The following GAB3 variants were observed in gnomAD, a reference collection of about 807,000 sequenced individuals.
The protein encoded by GAB3 is GRB2 associated binding protein 3, also known as GRB2-associated-binding protein 3.
GAB3 carries 12 observed loss-of-function variants against 40.4 expected under a neutral mutation model. That is an observed-to-expected ratio of 0.30 (90% confidence interval 0.19 to 0.48). The LOEUF is 0.48. Among genes scored for constraint, GAB3 ranks in the 20% least tolerant of loss-of-function variants. The pLI is 0.99. For missense variants in GAB3, 381 were observed against 461.9 expected (o/e 0.82, Z 1.61); for synonymous variants, 154 against 176.7 (o/e 0.87, Z 1.02).
chrX:154,716,292 C>T lies in GAB3; in HGVS notation c.110G>A (p.Arg37His), dbSNP rs782292835. The T allele has an allele frequency of 1.9e-5, 23 of 1,211,808 alleles. No individual in the cohort carries two copies. The Middle Eastern group carries it at 7.0e-4, about 37-fold the overall frequency. The stretch of plus-strand genomic sequence containing the variant: ...CAAGACATCGGGGTTGCCGCTCATG[C>T]GGCCTCGCCGGAGGACAAACCAGCG... The part of the protein sequence containing the change: ...RKRWFVLRRG[R>H]MSGNPDVLEY... Residue 37 changes from arginine (R) to histidine (H), a missense_variant, in exon 2 of 10, where the codon CGC becomes CAC. By Grantham distance (29) the Arg-to-His change is conservative. Coordinates refer to ENST00000424127, the MANE Select transcript of GAB3 (RefSeq NM_001081573.3).
chrX:154,714,639 C>A lies in GAB3; in HGVS notation c.377-1213G>T, dbSNP rs2071017151. Among the ~76,000 whole-genome samples the A allele has an allele frequency of 2.7e-5, 3 of 112,372 alleles. No homozygotes were observed. The Admixed American group carries it at 2.8e-4, about 11-fold the overall frequency. On this transcript the variant is annotated intron_variant, in intron 2 of 9. Coordinates refer to ENST00000424127, the MANE Select transcript of GAB3 (RefSeq NM_001081573.3). ...TCCTCCAACTTCATGCCGGGACAGG[C>A]TCTCCAGTTTCGGCCTGGTGCCTTA...
intron 8 of GAB3, among the ~76,000 whole-genome samples, chrX:154,692,206 T>C (rs1557249604): frequency 9.0e-6 from 1 of 111,315 alleles, no homozygotes; most frequent in African/African-American, 3.3e-5. Context: ...AAGGACACTA[T>C]CAAGAGAATG....
intron 1 of GAB3, among the ~76,000 whole-genome samples, chrX:154,738,282 G>GGAACTA (rs1557260783): frequency 2.7e-5 from 3 of 112,454 alleles, no homozygotes; most frequent in Non-Finnish European, 5.6e-5. Flanking sequence ...AGTTTATTTA[G>GGAACTA]TTCTGGTACC....
At chrX:154,725,554 G>A (rs1317629381) in intron 1 of GAB3, among the ~76,000 whole-genome samples, 5 of 110,999 alleles carry the variant, frequency 4.5e-5, no homozygotes, top group African/African-American at 1.6e-4. Flanking sequence ...GCAGAGATCG[G>A]AATTCTGGGT....
At chrX:154,726,828 C>T (rs1305466867) in intron 1 of GAB3, among the ~76,000 whole-genome samples, 2 of 111,371 alleles carry the variant, frequency 1.8e-5, no homozygotes, top group Admixed American at 9.5e-5. Flanking sequence ...CATATCCAAA[C>T]CACTAGTGAG....
At chrX:154,742,741 T>C (rs1222624968) in intron 1 of GAB3, among the ~76,000 whole-genome samples, 2 of 110,256 alleles carry the variant, frequency 1.8e-5, no homozygotes, top group African/African-American at 3.3e-5. Flanking sequence ...AAGGACCACA[T>C]AGTCTATCAT....
intron 1 of GAB3, among the ~76,000 whole-genome samples, chrX:154,720,930 C>T (rs1252143245): frequency 2.7e-5 from 3 of 111,654 alleles, no homozygotes; most frequent in African/African-American, 9.8e-5. Context: ...AACAATCAGA[C>T]ATTTTGTGCC....
At chrX:154,687,536 A>C (rs988884344) in intron 8 of GAB3, among the ~76,000 whole-genome samples, 8 of 103,493 alleles carry the variant, frequency 7.7e-5, no homozygotes, top group Non-Finnish European at 1.4e-4. Flanking sequence ...CAGGAAGCTG[A>C]GGCAGGAGAA....
At chrX:154,698,174 G>C (rs1438327580) in intron 6 of GAB3, among the ~76,000 whole-genome samples, 2 of 112,622 alleles carry the variant, frequency 1.8e-5, no homozygotes, top group Admixed American at 1.9e-4. Flanking sequence ...ATCACAGAAA[G>C]TTCTGTTGTT....
chrX:154,697,664 G>C (rs987835232), intron 6 of GAB3, among the ~76,000 whole-genome samples: 1 of 111,905 alleles, frequency 8.9e-6, no homozygotes, highest in Admixed American at 9.4e-5. Flanking sequence ...CTTCTGCCTA[G>C]AACATTCTAT....
At chrX:154,751,304 G>A (rs1453341524), upstream of GAB3, among the ~76,000 whole-genome samples, 2 of 101,944 alleles carry the variant, frequency 2.0e-5, no homozygotes, top group Non-Finnish European at 4.1e-5. Flanking sequence ...GTGTGGGGGG[G>A]GGAGCCTACG....
Position 154,747,727 on chromosome X carries a change from C to G in GAB3, c.72+3227G>C, listed in dbSNP as rs183127681. ...CTGAGGTGGGAGGATCACTTGAGCC[C>G]AAGAGGTCAAGGCTGGGTGACAAAG... is the stretch of plus-strand genomic sequence containing the variant. On this transcript the variant is annotated intron_variant, in intron 1 of 9. Coordinates refer to ENST00000424127, the MANE Select transcript of GAB3 (RefSeq NM_001081573.3). 3.0e-4 allele frequency among the ~76,000 whole-genome samples: 33 copies of G among 111,642 alleles called. No homozygotes were observed. In the East Asian group the frequency reaches 8.2e-3, roughly 28 times the overall value.
At chrX:154,751,116 C>A, upstream of GAB3, 1 of 736,364 alleles carries the variant, frequency 1.4e-6, no homozygotes, top group Non-Finnish European at 1.6e-6. Flanking sequence ...GGGCCCAGCG[C>A]CCGCCCGCCC....
chrX:154,735,370 G>A (rs782286897), intron 1 of GAB3, among the ~76,000 whole-genome samples: 8 of 111,700 alleles, frequency 7.2e-5, no homozygotes, highest in Admixed American at 4.7e-4. Context: ...TTTACAAGTC[G>A]GAGTGAAATG....
chrX:154,737,364 T>G (rs2071378358), intron 1 of GAB3, among the ~76,000 whole-genome samples: 1 of 111,699 alleles, frequency 9.0e-6, no homozygotes, highest in Non-Finnish European at 1.9e-5. Context: ...CTCTTATCTC[T>G]TCTCAGTTTT....
At chrX:154,724,991 T>C (rs782497462) in intron 1 of GAB3, among the ~76,000 whole-genome samples, 1 of 108,848 alleles carries the variant, frequency 9.2e-6, no homozygotes, top group East Asian at 2.9e-4. Context: ...TAAAGTGGGG[T>C]CATAATCAAA....
rs781833323 is a variant in GAB3, at chrX:154,712,365, G to A, written c.933C>T (p.Arg311=). ...LDIMSNTPPP[R]PPKPSHLSER... ...CAGACAGATGGCTTGGCTTAGGGGG[G>A]CGGGGAGGTGGAGTGTTGGACATAA... Residue 311 remains arginine (R), a synonymous_variant, in exon 4 of 10, where the codon CGC becomes CGT. Transcript: ENST00000424127. The A allele has an allele frequency of 5.0e-6, 6 of 1,209,728 alleles. No homozygotes were observed. In the African/African-American group the frequency reaches 5.2e-5, roughly 11 times the overall value.
intron 4 of GAB3, among the ~76,000 whole-genome samples, chrX:154,710,068 A>G (rs1442896896): frequency 2.7e-5 from 3 of 110,648 alleles, no homozygotes; most frequent in South Asian, 8.6e-4. Flanking sequence ...AATAATCAGT[A>G]CATAATGCAT....
intron 1 of GAB3, among the ~76,000 whole-genome samples, chrX:154,748,494 C>A (rs2071562077): frequency 8.9e-6 from 1 of 111,873 alleles, no homozygotes; most frequent in South Asian, 3.7e-4. Context: ...ACAAAAAATA[C>A]AGATGAAAAT....
Sources: gnomAD v4.1 joint callset for allele counts (sites outside exome capture counted in the v4.1 genomes callset) on GRCh38, gnomAD v4.1.1 for gene constraint, MANE v1.5 for transcripts, NCBI Gene and HGNC (gene_info 2026-07-23, HGNC 2026-07-21) for gene names.